The following WDR7 variants were observed in gnomAD, a reference collection of about 807,000 sequenced individuals.
The protein encoded by WDR7 is WD repeat domain 7, also known as WD repeat-containing protein 7.
In WDR7, 46 loss-of-function variants were observed where a neutral mutation model predicts 169.4. The ratio of observed to expected loss-of-function variants is 0.27; its 90% CI spans 0.21 to 0.35. The LOEUF is 0.35. WDR7 is among the 10% of genes least tolerant of loss of function. The pLI, the probability that WDR7 is intolerant of heterozygous loss-of-function variation, is 1.00. For synonymous variants in WDR7, 612 were observed against 666.8 expected, an observed-to-expected ratio of 0.92 and a Z score of 1.27; for missense variants, 1,534 against 1,859.3, an observed-to-expected ratio of 0.83 and a Z score of 3.22.
At chr18:56,689,082 G>A (rs768070623) in intron 7 of WDR7, among the ~76,000 whole-genome samples, 6 of 152,154 alleles carry the variant, frequency 3.9e-5, no homozygotes, top group Admixed American at 2.0e-4. Context: ...GCCAGTAAAT[G>A]TATAGAAAGG....
chr18:56,660,634 G>A (rs2024884562), intron 1 of WDR7, among the ~76,000 whole-genome samples: 1 of 147,206 alleles, frequency 6.8e-6, no homozygotes, highest in Non-Finnish European at 1.5e-5. Context: ...GGACTAAGTT[G>A]TGGGAATGCC....
At chr18:56,898,760 A>C (rs2046362932) in intron 21 of WDR7, among the ~76,000 whole-genome samples, 1 of 152,092 alleles carries the variant, frequency 6.6e-6, no homozygotes, top group Admixed American at 6.6e-5. Flanking sequence ...ACAACTAAAT[A>C]CAGTGTGGGA....
At chr18:56,836,328 C>T (rs1476274429) in intron 20 of WDR7, among the ~76,000 whole-genome samples, 1 of 152,210 alleles carries the variant, frequency 6.6e-6, no homozygotes, top group Non-Finnish European at 1.5e-5. Flanking sequence ...CAGCCCCTAC[C>T]TCACTGTTGC....
chr18:56,724,956 A>G (rs1189993642), intron 13 of WDR7, among the ~76,000 whole-genome samples: 1 of 152,036 alleles, frequency 6.6e-6, no homozygotes, highest in Non-Finnish European at 1.5e-5. Context: ...TTCCAGCTTC[A>G]TCCATGTCCT....
At chr18:56,714,882 CT>C (rs139519968) in intron 12 of WDR7, among the ~76,000 whole-genome samples, 5,241 of 151,882 alleles carry the variant, frequency 0.035, 308 homozygotes, top group African/African-American at 0.12. Flanking sequence ...TGTTAAAGCT[CT>C]TTTTTTTAAC....
chr18:56,877,756 G>A (rs1355410297), intron 20 of WDR7, among the ~76,000 whole-genome samples: 1 of 152,058 alleles, frequency 6.6e-6, no homozygotes, highest in Non-Finnish European at 1.5e-5. Context: ...TTTATTTCAG[G>A]TAACATTGAT....
At chr18:56,898,826 G>A (rs975229697) in intron 21 of WDR7, among the ~76,000 whole-genome samples, 1 of 152,030 alleles carries the variant, frequency 6.6e-6, no homozygotes, top group Non-Finnish European at 1.5e-5. Context: ...AACCAGGTCT[G>A]TAGGCTAGTG....
chr18:56,978,620 G>T (rs1482831852), intron 26 of WDR7, among the ~76,000 whole-genome samples: 3 of 152,136 alleles, frequency 2.0e-5, no homozygotes, highest in Non-Finnish European at 4.4e-5. Context: ...ATGTATGTGT[G>T]TTTAGTTCTC....
chr18:56,740,183 C>T (rs2043595687), intron 14 of WDR7, among the ~76,000 whole-genome samples: 1 of 151,968 alleles, frequency 6.6e-6, no homozygotes, highest in South Asian at 2.1e-4. Context: ...TTTCCACAAA[C>T]TCCTTTACTG....
chr18:56,858,463 TTTTTA>T (rs1465425275), intron 20 of WDR7, among the ~76,000 whole-genome samples: 1 of 151,516 alleles, frequency 6.6e-6, no homozygotes, highest in Non-Finnish European at 1.5e-5. Context: ...CACATTCTTT[TTTTTA>T]TTTTAAGATT....
At chr18:56,958,046 G>T (rs904896313) in intron 25 of WDR7, among the ~76,000 whole-genome samples, 29 of 152,204 alleles carry the variant, frequency 1.9e-4, no homozygotes, top group African/African-American at 6.3e-4. Context: ...TTTTGATAAA[G>T]ATTAAAAGTT....
In WDR7 at chr18:56,877,166, T is replaced by G. The variant is rs2046034511; in HGVS notation, c.3305-2778T>G. ...CCATATCTGCTGATATACTTGAGTT[T>G]TTTTAATCATATAGAGAATACTGTA... On this transcript the variant is annotated intron_variant, in intron 20 of 27. Transcript: ENST00000254442. Among the ~76,000 whole-genome samples, 6 of 152,340 alleles carry G rather than the reference T, an allele frequency of 3.9e-5. No individual in the cohort carries two copies. The South Asian group carries it at 1.2e-3, about 32-fold the overall frequency.
chr18:57,015,810 A>G (rs1475870566), intron 26 of WDR7, among the ~76,000 whole-genome samples: 1 of 152,176 alleles, frequency 6.6e-6, no homozygotes, highest in African/African-American at 2.4e-5. Context: ...AGATGTGGGT[A>G]TTTGCAGGTC....
At chr18:56,940,226 T>G (rs2145703703) in intron 25 of WDR7, among the ~76,000 whole-genome samples, 1 of 152,336 alleles carries the variant, frequency 6.6e-6, no homozygotes, top group African/African-American at 2.4e-5. Context: ...ATATTCTATT[T>G]TTGCTCATTT....
chr18:56,761,247 C>A (rs1056849830), intron 16 of WDR7, among the ~76,000 whole-genome samples: 1 of 152,130 alleles, frequency 6.6e-6, no homozygotes, highest in African/African-American at 2.4e-5. Context: ...TGAGCTCAGG[C>A]AATTCACCCA....
chr18:56,972,001 A>T (rs2145803855), intron 26 of WDR7, among the ~76,000 whole-genome samples: 1 of 152,376 alleles, frequency 6.6e-6, no homozygotes, highest in South Asian at 2.1e-4. Flanking sequence ...TTAGCAAAAT[A>T]TTAAATAACT....
At chr18:56,886,409 G>A (rs1213806812) in intron 21 of WDR7, among the ~76,000 whole-genome samples, 1 of 152,192 alleles carries the variant, frequency 6.6e-6, no homozygotes, top group African/African-American at 2.4e-5. Context: ...GAAAGATAAA[G>A]TCTTTTTCAG....
chr18:56,714,354 GTCTT>G (rs1598983897), intron 12 of WDR7, among the ~76,000 whole-genome samples: 1 of 150,514 alleles, frequency 6.6e-6, no homozygotes, highest in Non-Finnish European at 1.5e-5. Context: ...GCTACTTCCA[GTCTT>G]TCTTATTACA....
chr18:56,883,427 T>A (rs2046140436), intron 21 of WDR7, among the ~76,000 whole-genome samples: 1 of 151,826 alleles, frequency 6.6e-6, no homozygotes. Context: ...TTCTTTTAAC[T>A]GTAATAATTT....
Sources: gnomAD v4.1 joint callset for allele counts (sites outside exome capture counted in the v4.1 genomes callset) on GRCh38, gnomAD v4.1.1 for gene constraint, MANE v1.5 for transcripts, NCBI Gene and HGNC (gene_info 2026-07-23, HGNC 2026-07-21) for gene names.